The following GTF2F2 variants were observed in gnomAD, a reference collection of about 807,000 sequenced individuals.
GTF2F2 encodes ATP-dependent helicase GTF2F2.
A neutral mutation model predicts 42.2 loss-of-function variants in GTF2F2; 23 were observed. The ratio of observed to expected loss-of-function variants is 0.55; its 90% confidence interval spans 0.39 to 0.77. The LOEUF (loss-of-function observed/expected upper bound fraction) is 0.77. GTF2F2 is among the 30% of genes least tolerant of loss of function. The pLI is 0.00. For missense variants in GTF2F2, 261 were observed against 287.2 expected, an observed-to-expected ratio of 0.91 and a Z score of 0.66; for synonymous variants, 105 against 100.8, an observed-to-expected ratio of 1.04 and a Z score of -0.25.
intron 4 of GTF2F2, among the ~76,000 whole-genome samples, chr13:45,173,322 T>C (rs749842143): frequency 3.3e-4 from 50 of 151,866 alleles, no homozygotes; most frequent in Non-Finnish European, 6.0e-4. Flanking sequence ...GACATTGATA[T>C]AGTCCACTGG....
chr13:45,258,552 C>T (rs1876196006), intron 6 of GTF2F2, among the ~76,000 whole-genome samples: 1 of 152,118 alleles, frequency 6.6e-6, no homozygotes, highest in Non-Finnish European at 1.5e-5. Context: ...GGCCCTTGAC[C>T]TTTGTGAGTG....
chr13:45,240,908 G>A (rs1224965851), intron 5 of GTF2F2, among the ~76,000 whole-genome samples: 2 of 151,754 alleles, frequency 1.3e-5, no homozygotes, highest in Non-Finnish European at 1.5e-5. Flanking sequence ...GGGAGGCCCA[G>A]GTGGGCGGAT....
intron 5 of GTF2F2, among the ~76,000 whole-genome samples, chr13:45,245,939 CA>C (rs562692270): frequency 0.015 from 1,149 of 74,812 alleles, 4 homozygotes; most frequent in Non-Finnish European, 0.018. Flanking sequence ...GACTCCATCT[CA>C]AAAAAAAAAA....
At chr13:45,259,551 G>A (rs999242592) in intron 6 of GTF2F2, among the ~76,000 whole-genome samples, 1 of 151,354 alleles carries the variant, frequency 6.6e-6, no homozygotes, top group African/African-American at 2.4e-5. Flanking sequence ...CTGAACCAAA[G>A]AGATGAGAAC....
chr13:45,228,283 CT>C lies in GTF2F2; in HGVS notation c.386+20794del, dbSNP rs372901327. Among the ~76,000 whole-genome samples, 272 of 92,648 alleles carry C rather than the reference CT, an allele frequency of 2.9e-3. 3 individuals carry two copies. Among genetic ancestry groups the C allele is most frequent in the Admixed American group, 5.0e-3 (48 of 9,680 alleles). 60.8% of individuals were successfully genotyped at this position (92,648 alleles called of 152,430 possible). The stretch of plus-strand genomic sequence containing the variant: ...TTTCCTTATTGCTGCCAGAGTTAAT[CT>C]TTTTTTTTTTTTTTTGGAGACGGAG... On this transcript the variant is annotated intron_variant, in intron 5 of 7. Coordinates refer to ENST00000340473, the MANE Select transcript of GTF2F2 (RefSeq NM_004128.3).
chr13:45,161,487 T>A (rs1871032483), intron 4 of GTF2F2, among the ~76,000 whole-genome samples: 1 of 152,202 alleles, frequency 6.6e-6, no homozygotes, highest in African/African-American at 2.4e-5. Context: ...CCAGTGCTTC[T>A]TAGGGGAACC....
At chr13:45,140,114 A>ATTTTTT (rs1002989702) in intron 2 of GTF2F2, among the ~76,000 whole-genome samples, 1 of 140,812 alleles carries the variant, frequency 7.1e-6, no homozygotes. Flanking sequence ...TGCCCAGCTA[A>ATTTTTT]TTTTTTTTTT....
At chr13:45,127,938 C>CCT (rs1869115830) in intron 1 of GTF2F2, among the ~76,000 whole-genome samples, 1 of 48,608 alleles carries the variant, frequency 2.1e-5, no homozygotes, top group African/African-American at 8.3e-5. Context: ...GCACCCCGGC[C>CCT]TTTTTTTTTT....
intron 5 of GTF2F2, among the ~76,000 whole-genome samples, chr13:45,217,055 C>T (rs1280969766): frequency 6.6e-6 from 1 of 151,692 alleles, no homozygotes; most frequent in Non-Finnish European, 1.5e-5. Context: ...AATCCCAGCA[C>T]TTTGGGAGGC....
At chr13:45,212,457 T>TTCTTTTCTTTTCTTTTCTTTTC (rs1456320438) in intron 5 of GTF2F2, among the ~76,000 whole-genome samples, 1 of 105,614 alleles carries the variant, frequency 9.5e-6, no homozygotes, top group African/African-American at 4.0e-5. Flanking sequence ...GTTTCTTTCT[T>TTCTTTTCTTTTCTTTTCTTTTC]TCTTTCTTTC....
chr13:45,233,090 G>A (rs928626039), intron 5 of GTF2F2, among the ~76,000 whole-genome samples: 2 of 152,074 alleles, frequency 1.3e-5, no homozygotes, highest in African/African-American at 4.8e-5. Context: ...CCTTGTATAT[G>A]CATTAAATCC....
At chr13:45,239,170 G>A (rs1222518359) in intron 5 of GTF2F2, among the ~76,000 whole-genome samples, 1 of 151,990 alleles carries the variant, frequency 6.6e-6, no homozygotes, top group South Asian at 2.1e-4. Context: ...CCAGAGTGCT[G>A]GTGACTTAGA....
chr13:45,254,460 T>G (rs1181813130), intron 6 of GTF2F2, among the ~76,000 whole-genome samples: 5 of 152,206 alleles, frequency 3.3e-5, no homozygotes, highest in Non-Finnish European at 7.3e-5. Flanking sequence ...ATTTATTGCA[T>G]ACATATTATG....
chr13:45,264,209 CATT>C (rs1419188735), intron 6 of GTF2F2, among the ~76,000 whole-genome samples: 4 of 151,948 alleles, frequency 2.6e-5, no homozygotes, highest in African/African-American at 9.7e-5. Context: ...AAAGCACCAA[CATT>C]AACTTCAATT....
chr13:45,252,755 C>T, intron 5 of GTF2F2, 116 bp from the exon 6 acceptor site: 1 of 599,154 alleles, frequency 1.7e-6, no homozygotes, highest in Non-Finnish European at 2.9e-6. Context: ...AGTGTATCCT[C>T]TGAGGTTACC....
intron 3 of GTF2F2, among the ~76,000 whole-genome samples, chr13:45,150,662 A>ATTTTTTTTTTTTT (rs1870442241): frequency 2.1e-5 from 2 of 94,434 alleles, no homozygotes; most frequent in African/African-American, 1.6e-4. Context: ...AAAAAAAATC[A>ATTTTTTTTTTTTT]TCTTTTTTTT....
intron 5 of GTF2F2, among the ~76,000 whole-genome samples, chr13:45,240,478 T>C (rs544378937): frequency 2.6e-5 from 4 of 152,272 alleles, no homozygotes; most frequent in Admixed American, 6.5e-5. Flanking sequence ...ATGGGAGAAT[T>C]GCTCATTTTA....
chr13:45,193,699 T>G (rs1309222663), intron 4 of GTF2F2: 4 of 1,210,080 alleles, frequency 3.3e-6, no homozygotes, highest in Non-Finnish European at 4.7e-6. Flanking sequence ...CAGAGCTAGC[T>G]GGGCATGTTA....
chr13:45,235,347 T>A (rs9316124), intron 5 of GTF2F2, among the ~76,000 whole-genome samples: 2 of 151,876 alleles, frequency 1.3e-5, no homozygotes, highest in African/African-American at 2.4e-5. Context: ...ACATTTCAAT[T>A]CTTTATGAAA....
Sources: gnomAD v4.1 joint callset for allele counts (sites outside exome capture counted in the v4.1 genomes callset) on GRCh38, gnomAD v4.1.1 for gene constraint, MANE v1.5 for transcripts, NCBI Gene and HGNC (gene_info 2026-07-23, HGNC 2026-07-21) for gene names.